The following PLCB1 variants were observed in gnomAD, a reference collection of about 807,000 sequenced individuals.
PLCB1 encodes 1-phosphatidylinositol 4,5-bisphosphate phosphodiesterase beta-1.
PLCB1 carries 46 observed loss-of-function variants against 161.8 expected under a neutral mutation model. The ratio of observed to expected loss-of-function variants is 0.28; its 90% CI spans 0.22 to 0.36. The LOEUF is 0.36. Ranked by LOEUF, PLCB1 falls within the 10% of genes least tolerant of loss-of-function variation. The pLI is 1.00. For missense variants in PLCB1, 1,016 were observed against 1,472.5 expected, an observed-to-expected ratio of 0.69 and a Z score of 5.07; for synonymous variants, 517 against 503.7, an observed-to-expected ratio of 1.03 and a Z score of -0.35.
intron 2 of PLCB1, among the ~76,000 whole-genome samples, chr20:8,286,710 T>C (rs946281881): frequency 1.3e-5 from 2 of 152,238 alleles, no homozygotes; most frequent in African/African-American, 2.4e-5. Flanking sequence ...AGCTCTTGAA[T>C]CTTTCTAAGC....
intron 1 of PLCB1, among the ~76,000 whole-genome samples, chr20:8,140,189 T>C (rs2051388451): frequency 1.3e-5 from 2 of 152,158 alleles, no homozygotes; most frequent in Non-Finnish European, 2.9e-5. Flanking sequence ...ACAATAGCTC[T>C]CCCCAAGGGT....
At chr20:8,291,756 G>T (rs910525863) in intron 2 of PLCB1, among the ~76,000 whole-genome samples, 1 of 152,084 alleles carries the variant, frequency 6.6e-6, no homozygotes, top group Non-Finnish European at 1.5e-5. Context: ...CATGGTGTAG[G>T]TACTGTCTTT....
chr20:8,633,842 A>G lies in PLCB1; in HGVS notation c.384+5411A>G, dbSNP rs1988678213. Among the ~76,000 whole-genome samples, 6 of 152,262 alleles carry G rather than the reference A, an allele frequency of 3.9e-5. No homozygotes were observed. The South Asian group carries it at 1.2e-3, about 32-fold the overall frequency. On this transcript the variant is annotated intron_variant, in intron 4 of 31. Transcript: ENST00000338037. ...GCAGTTAACATGATAGATTAGTCTT[A>G]CCTGTTTTTAAAATATCTGTAAATG... is the stretch of plus-strand genomic sequence containing the variant.
At chr20:8,637,031 C>CA (rs5840275) in intron 4 of PLCB1, among the ~76,000 whole-genome samples, 19,307 of 122,006 alleles carry the variant, frequency 0.16, 1,572 homozygotes, top group Non-Finnish European at 0.2. Context: ...ATGAGCACCA[C>CA]AAAAAAAAAA....
intron 3 of PLCB1, among the ~76,000 whole-genome samples, chr20:8,495,919 C>G (rs1173856091): frequency 1.3e-5 from 2 of 152,136 alleles, no homozygotes; most frequent in African/African-American, 4.8e-5. Flanking sequence ...TCCCCCAAAG[C>G]AACTGATGTT....
At chr20:8,655,277 G>A (rs1422206649) in intron 7 of PLCB1, among the ~76,000 whole-genome samples, 1 of 152,032 alleles carries the variant, frequency 6.6e-6, no homozygotes, top group Admixed American at 6.6e-5. Flanking sequence ...ATGCGTGCTC[G>A]CTATCCATTT....
At chr20:8,557,021 A>AT (rs1985984973) in intron 3 of PLCB1, among the ~76,000 whole-genome samples, 1 of 74,604 alleles carries the variant, frequency 1.3e-5, no homozygotes, top group African/African-American at 1.2e-4. Context: ...TAAAATAAAT[A>AT]AAAAAAATAA....
chr20:8,247,736 A>G (rs113295130), intron 2 of PLCB1, among the ~76,000 whole-genome samples: 3,569 of 151,966 alleles, frequency 0.023, 151 homozygotes, highest in African/African-American at 0.081. Flanking sequence ...CAAGGGCAGC[A>G]TAGGAAATGA....
At chr20:8,767,549 C>T (rs550073275) in intron 26 of PLCB1, among the ~76,000 whole-genome samples, 6 of 152,254 alleles carry the variant, frequency 3.9e-5, no homozygotes, top group East Asian at 1.9e-4. Flanking sequence ...ACAATGCAGA[C>T]GCTGCCTCTA....
Position 8,593,352 on chromosome 20 carries a change from CGTGTGTGT to C in PLCB1, c.247-34931_247-34924del, listed in dbSNP as rs542015201. 1.1e-4 allele frequency among the ~76,000 whole-genome samples: 16 copies of C among 149,998 alleles called. 1 individual carries two copies. In the East Asian group the frequency reaches 2.9e-3, roughly 28 times the overall value. ...CATGCCCATCTAATTTGTGTGTGCGCGTGTGTGTGTGTGTGTGTATGTGTGAAGACAGG... is the reference window on the plus strand; with the variant it reads ...CATGCCCATCTAATTTGTGTGTGCGCGTGTGTGTGTATGTGTGAAGACAGG... On this transcript the variant is annotated intron_variant, in intron 3 of 31. Coordinates refer to ENST00000338037, the MANE Select transcript of PLCB1 (RefSeq NM_015192.4).
chr20:8,247,198 C>T (rs1980919017), intron 2 of PLCB1, among the ~76,000 whole-genome samples: 1 of 151,900 alleles, frequency 6.6e-6, no homozygotes. Flanking sequence ...GATGAGTAAA[C>T]TGAGGCATAG....
At chr20:8,707,826 A>G (rs941734110) in intron 11 of PLCB1, among the ~76,000 whole-genome samples, 13 of 152,304 alleles carry the variant, frequency 8.5e-5, no homozygotes, top group Admixed American at 3.9e-4. Flanking sequence ...TGACATATAC[A>G]TTTTTAAAAA....
intron 3 of PLCB1, among the ~76,000 whole-genome samples, chr20:8,613,926 T>G (rs778720551): frequency 1.3e-4 from 20 of 151,564 alleles, no homozygotes; most frequent in South Asian, 4.2e-4. Context: ...TTAAACCAAA[T>G]GATACATTTG....
intron 6 of PLCB1, among the ~76,000 whole-genome samples, 181 bp from the exon 7 acceptor site, chr20:8,649,193 C>T (rs1989245553): frequency 1.3e-5 from 2 of 152,254 alleles, no homozygotes; most frequent in Admixed American, 1.3e-4. Flanking sequence ...ATTTTAAAAG[C>T]ACGCAGTTGA....
chr20:8,812,138 T>C (rs1984855162), intron 31 of PLCB1, among the ~76,000 whole-genome samples: 1 of 152,126 alleles, frequency 6.6e-6, no homozygotes, highest in South Asian at 2.1e-4. Flanking sequence ...GCTTGCTATA[T>C]ACCCAAAGAT....
chr20:8,220,728 G>A (rs1979360553), intron 2 of PLCB1, among the ~76,000 whole-genome samples: 1 of 152,198 alleles, frequency 6.6e-6, no homozygotes, highest in African/African-American at 2.4e-5. Context: ...TTCCAGAACT[G>A]TGAGAGAATA....
chr20:8,816,548 G>T (rs1484199082), intron 31 of PLCB1, among the ~76,000 whole-genome samples: 1 of 152,136 alleles, frequency 6.6e-6, no homozygotes, highest in East Asian at 1.9e-4. Context: ...ACAAAAACAT[G>T]TTCAGACATA....
chr20:8,674,343 A>T (rs908976140), intron 9 of PLCB1, among the ~76,000 whole-genome samples: 4 of 152,226 alleles, frequency 2.6e-5, no homozygotes, highest in Non-Finnish European at 4.4e-5. Flanking sequence ...CAGTGCACTC[A>T]AAACAAGTCT....
At chr20:8,676,721 A>G (rs995764655) in intron 9 of PLCB1, among the ~76,000 whole-genome samples, 1 of 152,344 alleles carries the variant, frequency 6.6e-6, no homozygotes, top group South Asian at 2.1e-4. Context: ...CAGCAAACAC[A>G]TCCAGAAATC....
Sources: gnomAD v4.1 joint callset for allele counts (sites outside exome capture counted in the v4.1 genomes callset) on GRCh38, gnomAD v4.1.1 for gene constraint, MANE v1.5 for transcripts, NCBI Gene and HGNC (gene_info 2026-07-23, HGNC 2026-07-21) for gene names.